Variants in ZNF362 observed in about 807,000 individuals in gnomAD.
ZNF362 encodes rotund homolog.
A neutral mutation model predicts 42.9 loss-of-function variants in ZNF362; 11 were observed. That is an observed-to-expected ratio of 0.26 (90% CI 0.16 to 0.42). ZNF362 has a LOEUF of 0.42. Among genes scored for constraint, ZNF362 ranks in the 20% least tolerant of loss-of-function variants. ZNF362 has a pLI of 1.00. For missense variants in ZNF362, 362 were observed against 576.2 expected (o/e 0.63, Z 3.81); for synonymous variants, 255 against 257.3 (o/e 0.99, Z 0.09).
At chr1:33,166,754 C>A in the ZNF362 span, among the ~76,000 whole-genome samples, 2 of 152,152 alleles carry the variant, frequency 1.3e-5, no homozygotes, top group Non-Finnish European at 2.9e-5. Context: ...ATCCACAACA[C>A]ACAAGATATC....
intron 1 of ZNF362, among the ~76,000 whole-genome samples, chr1:33,260,509 T>C (rs1332855129): frequency 6.6e-6 from 1 of 152,236 alleles, no homozygotes; most frequent in Non-Finnish European, 1.5e-5. Context: ...CCACTTGCTC[T>C]AAAATAGCTT....
At chr1:33,230,181 G>A in the ZNF362 span, among the ~76,000 whole-genome samples, 2 of 152,114 alleles carry the variant, frequency 1.3e-5, no homozygotes, top group African/African-American at 4.8e-5. Flanking sequence ...CAATGTCTCA[G>A]TTTCCTCACT....
upstream of ZNF362, among the ~76,000 whole-genome samples, chr1:33,252,810 T>G (rs79843139): frequency 3.9e-5 from 6 of 152,118 alleles, no homozygotes; most frequent in Admixed American, 1.3e-4. Flanking sequence ...ATAGTTAGAA[T>G]ACAATTAGGG....
the ZNF362 span, among the ~76,000 whole-genome samples, chr1:33,222,411 T>C: frequency 6.6e-6 from 1 of 152,232 alleles, no homozygotes; most frequent in Non-Finnish European, 1.5e-5. Flanking sequence ...ATCTCTCATC[T>C]ACATTACTGC....
chr1:33,201,502 G>T, the ZNF362 span, among the ~76,000 whole-genome samples: 421 of 152,276 alleles, frequency 2.8e-3, 2 homozygotes, highest in Admixed American at 0.011. Context: ...TGGAAAATCT[G>T]CAAGTATTTA....
the ZNF362 span, among the ~76,000 whole-genome samples, chr1:33,209,254 A>G: frequency 6.6e-6 from 1 of 152,236 alleles, no homozygotes; most frequent in Non-Finnish European, 1.5e-5. Context: ...CCAGACTTGC[A>G]TCCCAGGGAT....
At chr1:33,274,293 CCT>C (rs1365178065) in intron 2 of ZNF362, among the ~76,000 whole-genome samples, 1 of 152,236 alleles carries the variant, frequency 6.6e-6, no homozygotes, top group African/African-American at 2.4e-5. Context: ...AGTCACTCCA[CCT>C]CTCTGAATTC....
the ZNF362 span, among the ~76,000 whole-genome samples, chr1:33,153,200 C>T: frequency 6.6e-6 from 1 of 152,144 alleles, no homozygotes; most frequent in Non-Finnish European, 1.5e-5. Flanking sequence ...CCCCTCCCAT[C>T]TGGACATAAA....
chr1:33,184,058 G>A, the ZNF362 span, among the ~76,000 whole-genome samples: 6 of 148,182 alleles, frequency 4.0e-5, no homozygotes, highest in Non-Finnish European at 7.4e-5. Flanking sequence ...AAAAAGGCTT[G>A]ATGATGGATG....
At chr1:33,203,799 G>T in the ZNF362 span, among the ~76,000 whole-genome samples, 3 of 151,926 alleles carry the variant, frequency 2.0e-5, no homozygotes, top group Admixed American at 1.3e-4. Flanking sequence ...AGTCCTTTGC[G>T]CATTTTTTAA....
the ZNF362 span, among the ~76,000 whole-genome samples, chr1:33,236,550 A>AAAAAATATATATATATATTATAT: frequency 1.7e-4 from 1 of 5,980 alleles, no homozygotes; most frequent in Non-Finnish European, 3.7e-4. Flanking sequence ...AAAAAAAAAA[A>AAAAAATATATATATATATTATAT]ATATATATAT....
At chr1:33,151,562 C>G in the ZNF362 span, among the ~76,000 whole-genome samples, 1 of 152,206 alleles carries the variant, frequency 6.6e-6, no homozygotes, top group Non-Finnish European at 1.5e-5. Flanking sequence ...GTTCCTCCAT[C>G]TGTCCCTCAT....
the ZNF362 span, chr1:33,146,063 C>T: frequency 2.8e-6 from 1 of 358,366 alleles, no homozygotes; most frequent in African/African-American, 2.2e-5. Context: ...GGCATAGTGG[C>T]TTCCTGCAGA....
chr1:33,184,656 G>T, the ZNF362 span, among the ~76,000 whole-genome samples: 1 of 152,204 alleles, frequency 6.6e-6, no homozygotes, highest in Non-Finnish European at 1.5e-5. Flanking sequence ...CTGAATGACT[G>T]CATGAAGTAC....
At chr1:33,256,450 C>CCCG (rs761575797), upstream of ZNF362, 1,228 of 153,944 alleles carry the variant, frequency 8.0e-3, 5 homozygotes, top group African/African-American at 0.012. Context: ...GACCCAGCCT[C>CCCG]CCGCCGCCGC....
At chr1:33,189,722 T>TATATATATAC in the ZNF362 span, among the ~76,000 whole-genome samples, 1,567 of 102,904 alleles carry the variant, frequency 0.015, 125 homozygotes, top group African/African-American at 0.058. Context: ...TATATATACA[T>TATATATATAC]ACACACATAC....
intron 2 of ZNF362, among the ~76,000 whole-genome samples, chr1:33,271,733 T>G (rs1645905714): frequency 6.6e-6 from 1 of 150,424 alleles, no homozygotes. Context: ...TGCAGGAGCA[T>G]CTGGGCAGAT....
chr1:33,292,315 A>G (rs929003985), intron 6 of ZNF362, among the ~76,000 whole-genome samples: 1 of 152,238 alleles, frequency 6.6e-6, no homozygotes. Context: ...TTCTGCATCT[A>G]TTGAGATAAT....
the ZNF362 span, chr1:33,165,691 C>G: frequency 1.4e-6 from 1 of 722,178 alleles, no homozygotes; most frequent in East Asian, 3.2e-5. This position sits in a 1 kb window ranked among gnomAD's most constrained non-coding sequence, Gnocchi z 4.0. Context: ...ACTTGCCTCC[C>G]GTCACAGTTC....
Sources: gnomAD v4.1 joint callset for allele counts (sites outside exome capture counted in the v4.1 genomes callset) on GRCh38, gnomAD v4.1.1 for gene constraint, Gnocchi (gnomAD v3.1) non-coding constraint, MANE v1.5 for transcripts, NCBI Gene and HGNC (gene_info 2026-07-23, HGNC 2026-07-21) for gene names.